Variants in HPSE2 observed in about 807,000 individuals in gnomAD.
The protein encoded by HPSE2 is heparanase 2 (inactive), also known as inactive heparanase-2.
HPSE2 carries 38 observed loss-of-function variants against 60.5 expected under a neutral mutation model. The ratio of observed to expected loss-of-function variants is 0.63; its 90% CI spans 0.48 to 0.82. The LOEUF is 0.82. Among genes scored for constraint, HPSE2 ranks in the 40% least tolerant of loss-of-function variants. The pLI is 0.00. For missense variants in HPSE2, 713 were observed against 740.4 expected (o/e 0.96, Z 0.43); for synonymous variants, 295 against 293.2 (o/e 1.01, Z -0.06).
At chr10:98,462,959 C>CT (rs56061368) in intron 11 of HPSE2, among the ~76,000 whole-genome samples, 2,777 of 146,640 alleles carry the variant, frequency 0.019, 54 homozygotes, top group Admixed American at 0.033. Context: ...CTTATCTCTG[C>CT]TTTTTTTTTT....
At chr10:98,756,008 A>C in intron 3 of HPSE2, among the ~76,000 whole-genome samples, 1 of 152,220 alleles carries the variant, frequency 6.6e-6, no homozygotes, top group South Asian at 2.1e-4. Context: ...AAAACAAAAA[A>C]CAAACAAAAA....
rs180929094 is a variant in HPSE2 at position 99,111,742 on chromosome 10, C to T, written c.610+32496G>A. ...ATGCCTATGCCTTTTAGTTTTCAAA[C>T]AGTTCTTAATTTCCAAAACAGATGC... is the stretch of plus-strand genomic sequence containing the variant. On this transcript the variant is annotated intron_variant, in intron 3 of 11. Transcript: ENST00000370552. 7.9e-5 allele frequency among the ~76,000 whole-genome samples: 12 copies of T among 152,280 alleles called. No homozygotes were observed. In the East Asian group the frequency reaches 2.3e-3, roughly 29 times the overall value.
chr10:98,995,479 G>C lies in HPSE2; in HGVS notation c.610+148759C>G, dbSNP rs553059187. Among the ~76,000 whole-genome samples, 184 of 152,154 alleles carry C rather than the reference G, an allele frequency of 1.2e-3. 1 individual carries two copies. Among genetic ancestry groups the C allele is most frequent in the Admixed American group, 1.5e-3 (23 of 15,282 alleles). ...TTCAGGTTTGTTTTTTCAGTGTCCA[G>C]AAAAACTTAGTTCAACCTACCTCTT... On this transcript the variant is annotated intron_variant, in intron 3 of 11. Transcript: ENST00000370552.
intron 3 of HPSE2, among the ~76,000 whole-genome samples, chr10:98,950,399 A>G (rs1460416839): frequency 6.6e-6 from 1 of 152,206 alleles, no homozygotes; most frequent in Non-Finnish European, 1.5e-5. Context: ...GTGGTACTTG[A>G]AATATTAATA....
intron 3 of HPSE2, among the ~76,000 whole-genome samples, chr10:98,883,621 A>G (rs1173391887): frequency 6.6e-6 from 1 of 152,002 alleles, no homozygotes; most frequent in African/African-American, 2.4e-5. Flanking sequence ...CCTGGGCAAC[A>G]TAGCATGACC....
At chr10:99,034,815 C>A (rs1957574559) in intron 3 of HPSE2, among the ~76,000 whole-genome samples, 1 of 152,144 alleles carries the variant, frequency 6.6e-6, no homozygotes, top group South Asian at 2.1e-4. Context: ...TGTTATTGTA[C>A]TGAAAACTAT....
intron 2 of HPSE2, among the ~76,000 whole-genome samples, chr10:99,213,300 A>G (rs1261346792): frequency 1.3e-5 from 2 of 151,860 alleles, no homozygotes; most frequent in East Asian, 3.9e-4. Flanking sequence ...GAACAAGAAG[A>G]AAAAAAAATT....
chr10:99,290,685 T>C, the HPSE2 span, among the ~76,000 whole-genome samples: 1 of 152,210 alleles, frequency 6.6e-6, no homozygotes, highest in South Asian at 2.1e-4. Context: ...AGCTGGTTTC[T>C]AGTTATGAAC....
chr10:99,164,955 C>T (rs548750710), intron 2 of HPSE2, among the ~76,000 whole-genome samples: 19 of 152,090 alleles, frequency 1.2e-4, no homozygotes, highest in East Asian at 7.8e-4. Flanking sequence ...TGGTGGCGCA[C>T]GCCTGCGGTC....
intron 3 of HPSE2, among the ~76,000 whole-genome samples, chr10:99,045,537 A>G (rs1446205236): frequency 2.0e-5 from 3 of 152,186 alleles, no homozygotes; most frequent in African/African-American, 4.8e-5. Context: ...GAAAAAATCA[A>G]TGAAGACAAG....
intron 3 of HPSE2, among the ~76,000 whole-genome samples, chr10:99,007,048 TG>T (rs1956910946): frequency 6.6e-6 from 1 of 151,746 alleles, no homozygotes; most frequent in South Asian, 2.1e-4. Flanking sequence ...GAGGCCAATC[TG>T]GTGCTGGGGC....
chr10:99,004,587 T>C (rs972090594), intron 3 of HPSE2, among the ~76,000 whole-genome samples: 2 of 152,322 alleles, frequency 1.3e-5, no homozygotes. Context: ...CATCTTGTTA[T>C]AGTGTGTAAT....
At chr10:98,742,418 C>T (rs1427068477) in intron 4 of HPSE2, among the ~76,000 whole-genome samples, 1 of 150,612 alleles carries the variant, frequency 6.6e-6, no homozygotes, top group Non-Finnish European at 1.5e-5. Flanking sequence ...ACATATAGTG[C>T]TCCAAACAAA....
chr10:98,727,457 C>G (rs1347659171), intron 4 of HPSE2, among the ~76,000 whole-genome samples: 1 of 152,098 alleles, frequency 6.6e-6, no homozygotes, highest in Non-Finnish European at 1.5e-5. Context: ...TTAAGACCAG[C>G]CTGGCCAACA....
At chr10:99,282,540 T>C in the HPSE2 span, among the ~76,000 whole-genome samples, 1 of 152,108 alleles carries the variant, frequency 6.6e-6, no homozygotes, top group East Asian at 1.9e-4. Flanking sequence ...ATGTACGGAA[T>C]CCTCTACCCA....
At chr10:98,752,102 T>C (rs1326659486) in intron 3 of HPSE2, among the ~76,000 whole-genome samples, 1 of 152,128 alleles carries the variant, frequency 6.6e-6, no homozygotes, top group African/African-American at 2.4e-5. Flanking sequence ...TTGCATTTGG[T>C]TGTAGTGAGA....
intron 11 of HPSE2, among the ~76,000 whole-genome samples, chr10:98,463,108 C>A (rs1940373193): frequency 6.6e-6 from 1 of 152,148 alleles, no homozygotes; most frequent in Non-Finnish European, 1.5e-5. Flanking sequence ...TTTTTCAAAT[C>A]TGCTCCTTTT....
chr10:98,846,294 C>A (rs1176319504), intron 3 of HPSE2, among the ~76,000 whole-genome samples: 1 of 152,166 alleles, frequency 6.6e-6, no homozygotes, highest in Non-Finnish European at 1.5e-5. Context: ...TTATTCAGAT[C>A]TATTTATATG....
chr10:98,621,847 A>G (rs1411236980), intron 7 of HPSE2, among the ~76,000 whole-genome samples: 1 of 152,234 alleles, frequency 6.6e-6, no homozygotes, highest in Non-Finnish European at 1.5e-5. Context: ...TAGTACACTG[A>G]CACCTAGCTG....
Sources: gnomAD v4.1 joint callset for allele counts (sites outside exome capture counted in the v4.1 genomes callset) on GRCh38, gnomAD v4.1.1 for gene constraint, MANE v1.5 for transcripts, NCBI Gene and HGNC (gene_info 2026-07-23, HGNC 2026-07-21) for gene names.